The following CFDP1 variants were observed in gnomAD, a reference collection of about 807,000 sequenced individuals.
The protein encoded by CFDP1 is heterochromatin-stabilizing protein CFDP1.
CFDP1 carries 31 observed loss-of-function variants against 40.1 expected under a neutral mutation model. The observed-to-expected ratio is 0.77, with a 90% CI of 0.58 to 1.04. The LOEUF is 1.04. CFDP1 is among the 50% of genes least tolerant of loss of function. The probability of loss-of-function intolerance (pLI) is 0.00; values close to 1 mark genes in which losing one functional copy is unlikely to be tolerated. For synonymous variants in CFDP1, 167 were observed against 120.0 expected, an observed-to-expected ratio of 1.39 and a Z score of -2.56; for missense variants, 423 against 343.4, an observed-to-expected ratio of 1.23 and a Z score of -1.83.
rs984663668 is a variant in CFDP1 at position 75,433,288 on chromosome 16, C to T, written c.64+1G>A. On this transcript the variant is annotated splice_donor_variant, in intron 1 of 6. Transcript: ENST00000283882. LOFTEE classifies it high-confidence loss of function. ...TTCTCGCCTCAGGCGGAATCGCTCA[C>T]CCGACGGCACGTAGTCCTCGTCCTC... The T allele has an allele frequency of 6.3e-7, 1 of 1,598,000 alleles. No homozygotes were observed.
At chr16:75,342,194 G>A (rs1249510271) in intron 5 of CFDP1, among the ~76,000 whole-genome samples, 2 of 152,062 alleles carry the variant, frequency 1.3e-5, no homozygotes, top group Non-Finnish European at 1.5e-5. Context: ...TGTTAACATC[G>A]AAGTTTACTT....
rs537010987 is a variant in CFDP1, at chr16:75,401,674, A to G, written c.531-6465T>C. Among the ~76,000 whole-genome samples the G allele has an allele frequency of 2.0e-5, 3 of 152,288 alleles. No individual in the cohort carries two copies. The East Asian group carries it at 5.8e-4, about 29-fold the overall frequency. On this transcript the variant is annotated intron_variant, in intron 4 of 6. Transcript: ENST00000283882. ...AGAATGCTGGTGATAGAGAAGATGA[A>G]ATCAAATGGCCTAAGTGATAGCTTA... is the stretch of plus-strand genomic sequence containing the variant.
At chr16:75,316,935 C>T (rs912501731) in intron 5 of CFDP1, among the ~76,000 whole-genome samples, 1 of 152,092 alleles carries the variant, frequency 6.6e-6, no homozygotes, top group Non-Finnish European at 1.5e-5. Flanking sequence ...GAGGCGAGAT[C>T]GCACCACTGC....
chr16:75,370,594 A>G (rs1416231465), intron 5 of CFDP1, among the ~76,000 whole-genome samples: 2 of 152,068 alleles, frequency 1.3e-5, no homozygotes, highest in Non-Finnish European at 2.9e-5. Flanking sequence ...AGGGTGCAGT[A>G]GCTGACGCCT....
At chr16:75,343,101 A>G (rs1252376828) in intron 5 of CFDP1, among the ~76,000 whole-genome samples, 3 of 152,158 alleles carry the variant, frequency 2.0e-5, no homozygotes, top group Non-Finnish European at 4.4e-5. Context: ...AACAAACCCC[A>G]TAGGTACCAA....
At chr16:75,410,892 G>C (rs1462570339) in intron 4 of CFDP1, among the ~76,000 whole-genome samples, 3 of 129,076 alleles carry the variant, frequency 2.3e-5, no homozygotes, top group Non-Finnish European at 4.7e-5. Context: ...CTGGGCGACA[G>C]AGCAAGACTC....
chr16:75,295,932 A>G (rs1469302268), intron 6 of CFDP1, among the ~76,000 whole-genome samples: 1 of 152,134 alleles, frequency 6.6e-6, no homozygotes, highest in Non-Finnish European at 1.5e-5. Context: ...GGGGCTGCTA[A>G]CCAAAATGGT....
intron 3 of CFDP1, 30 bp from the exon 4 acceptor site, chr16:75,411,982 C>A (rs908740677): frequency 3.1e-5 from 48 of 1,572,686 alleles, no homozygotes; most frequent in Non-Finnish European, 4.1e-5. Context: ...TGTAATGTTT[C>A]ACCAAAAGAT....
chr16:75,332,626 C>A (rs2151515760), intron 5 of CFDP1, among the ~76,000 whole-genome samples: 1 of 151,620 alleles, frequency 6.6e-6, no homozygotes, highest in African/African-American at 2.4e-5. Flanking sequence ...ATGATTGCAC[C>A]ACTACACCAC....
chr16:75,301,500 A>C (rs921310194), intron 6 of CFDP1, among the ~76,000 whole-genome samples: 1 of 140,054 alleles, frequency 7.1e-6, no homozygotes. Context: ...CCTTGCTTTA[A>C]GTTTCTTTTT....
At chr16:75,319,972 G>C (rs2078350484) in intron 5 of CFDP1, among the ~76,000 whole-genome samples, 1 of 152,186 alleles carries the variant, frequency 6.6e-6, no homozygotes, top group African/African-American at 2.4e-5. Flanking sequence ...TTTTCATAGA[G>C]GCTAACCACA....
chr16:75,318,871 A>C (rs977501578), intron 5 of CFDP1, among the ~76,000 whole-genome samples: 1 of 152,210 alleles, frequency 6.6e-6, no homozygotes, highest in Non-Finnish European at 1.5e-5. Context: ...TTTGGGATAC[A>C]GGGGTGTCCT....
intron 5 of CFDP1, among the ~76,000 whole-genome samples, chr16:75,337,290 C>T (rs2078496092): frequency 6.6e-6 from 1 of 152,142 alleles, no homozygotes; most frequent in Non-Finnish European, 1.5e-5. Flanking sequence ...CGGCCACAGG[C>T]AGTACCACAA....
intron 5 of CFDP1, among the ~76,000 whole-genome samples, chr16:75,308,806 T>G (rs1192089503): frequency 6.6e-6 from 1 of 152,198 alleles, no homozygotes; most frequent in South Asian, 2.1e-4. Context: ...GCCATCTTAT[T>G]GACGAATTAC....
Position 75,305,084 on chromosome 16 carries a change from C to A in CFDP1, c.749G>T (p.Ser250Ile), listed in dbSNP as rs2078248392. 1 of 1,614,074 alleles carries A rather than the reference C, an allele frequency of 6.2e-7. No individual in the cohort carries two copies. The highest frequency in any genetic ancestry group is 1.3e-5 in the African/African-American group (1 of 74,916). The part of the protein sequence containing the change: ...TLEKSKLDWE[S>I]FKEEEGIGEE... Reference sequence around the variant, plus strand: ...ACCAATCCCCTCTTCCTCCTTGAAGCTCTCCCAGTCCAGTTTGGACTTCTC... The same window carrying A: ...ACCAATCCCCTCTTCCTCCTTGAAGATCTCCCAGTCCAGTTTGGACTTCTC... Residue 250 changes from serine to isoleucine, a missense_variant, in exon 6 of 7, where the codon AGC becomes ATC. Coordinates refer to ENST00000283882, the MANE Select transcript of CFDP1 (RefSeq NM_006324.3).
At chr16:75,404,329 G>A (rs556517337) in intron 4 of CFDP1, among the ~76,000 whole-genome samples, 51 of 148,776 alleles carry the variant, frequency 3.4e-4, no homozygotes, top group African/African-American at 1.2e-3. Context: ...TCCGCCTCCC[G>A]GGTTCACGCC....
chr16:75,414,748 A>C, intron 1 of CFDP1, 53 bp from the exon 2 acceptor site: 1 of 1,219,638 alleles, frequency 8.2e-7, no homozygotes, highest in South Asian at 1.3e-5. Context: ...TCACATCAAG[A>C]TGAGACATTT....
At chr16:75,380,345 G>C (rs2078842400) in intron 5 of CFDP1, among the ~76,000 whole-genome samples, 1 of 152,064 alleles carries the variant, frequency 6.6e-6, no homozygotes, top group Non-Finnish European at 1.5e-5. Context: ...TTGGATCAAA[G>C]AAGGAACTGA....
chr16:75,427,482 A>G (rs549845007), intron 1 of CFDP1, among the ~76,000 whole-genome samples: 1 of 152,102 alleles, frequency 6.6e-6, no homozygotes, highest in South Asian at 2.1e-4. Context: ...TGGACTCCTG[A>G]CCTTGTGATC....
Sources: gnomAD v4.1 joint callset for allele counts (sites outside exome capture counted in the v4.1 genomes callset) on GRCh38, gnomAD v4.1.1 for gene constraint, MANE v1.5 for transcripts, NCBI Gene and HGNC (gene_info 2026-07-23, HGNC 2026-07-21) for gene names.